Variants in SCLT1 observed in about 807,000 individuals in gnomAD.
SCLT1 encodes the protein sodium channel-associated protein 1.
Under a neutral mutation model 112.8 loss-of-function variants are expected in SCLT1, and 78 were observed. The observed-to-expected ratio is 0.69, with a 90% CI of 0.58 to 0.83. SCLT1 has a LOEUF of 0.83. SCLT1 is among the 40% of genes least tolerant of loss of function. SCLT1 has a pLI of 0.00. For missense variants in SCLT1, 747 were observed against 770.4 expected (o/e 0.97, Z 0.36); for synonymous variants, 257 against 254.7 (o/e 1.01, Z -0.09).
chr4:129,005,039 T>C (rs962104302), intron 5 of SCLT1, among the ~76,000 whole-genome samples: 25 of 152,074 alleles, frequency 1.6e-4, no homozygotes, highest in African/African-American at 5.5e-4. Context: ...CCAAGTCCTA[T>C]GAAAAAAACC....
At chr4:129,072,578 T>C (rs1056346975) in intron 2 of SCLT1, among the ~76,000 whole-genome samples, 1 of 152,284 alleles carries the variant, frequency 6.6e-6, no homozygotes, top group Non-Finnish European at 1.5e-5. Flanking sequence ...TTCTTCTACT[T>C]GTTCAATTCT....
At chr4:129,044,211 A>T (rs1055229375) in intron 2 of SCLT1, among the ~76,000 whole-genome samples, 160 bp from the exon 3 acceptor site, 1 of 152,148 alleles carries the variant, frequency 6.6e-6, no homozygotes, top group Non-Finnish European at 1.5e-5. Context: ...TTATACTGAA[A>T]TGCATTTGGT....
At position 129,080,076 on chromosome 4, in the gene SCLT1, T is replaced by C. The variant is rs903632383; in HGVS notation, c.102+2230A>G. ...GTACAGGGCAGTGGGGCCCTGGGCC[T>C]GCCCCCACAAAATCATTCTTCCCTC... On this transcript the variant is annotated intron_variant, in intron 2 of 20. Coordinates refer to ENST00000281142, the MANE Select transcript of SCLT1 (RefSeq NM_144643.4). Among the ~76,000 whole-genome samples, 4 of 152,334 alleles carry C rather than the reference T, an allele frequency of 2.6e-5. No individual in the cohort carries two copies. In the East Asian group the frequency reaches 5.8e-4, roughly 22 times the overall value.
intron 17 of SCLT1, among the ~76,000 whole-genome samples, chr4:128,940,429 G>A (rs1737590253): frequency 6.6e-6 from 1 of 151,624 alleles, no homozygotes; most frequent in South Asian, 2.1e-4. Flanking sequence ...CTACATAATT[G>A]TTTTTATTTA....
chr4:129,036,149 G>C (rs1395741407), intron 5 of SCLT1, among the ~76,000 whole-genome samples: 2 of 151,952 alleles, frequency 1.3e-5, no homozygotes, highest in African/African-American at 4.8e-5. Context: ...ATAATTAGTA[G>C]AGTTCACTTT....
At position 128,946,927 on chromosome 4, in the gene SCLT1, C is replaced by T. The variant is rs536164317; in HGVS notation, c.1294-775G>A. On this transcript the variant is annotated intron_variant, in intron 15 of 20. Transcript: ENST00000281142. The stretch of plus-strand genomic sequence containing the variant: ...TCTTACAGCACAAGGTCTGTAACAT[C>T]CTAAGAGATCCAAGGTCTCCAGGTG... 4.6e-5 allele frequency among the ~76,000 whole-genome samples: 7 copies of T among 152,276 alleles called. No individual in the cohort carries two copies. In the East Asian group the frequency reaches 7.7e-4, roughly 17 times the overall value.
intron 5 of SCLT1, among the ~76,000 whole-genome samples, chr4:129,026,468 T>C (rs574224042): frequency 6.6e-6 from 1 of 151,822 alleles, no homozygotes. Flanking sequence ...AATAATGAAA[T>C]GAAGGCAGAA....
chr4:128,911,059 T>A (rs755358281), intron 18 of SCLT1, among the ~76,000 whole-genome samples: 1 of 151,960 alleles, frequency 6.6e-6, no homozygotes, highest in African/African-American at 2.4e-5. Context: ...AGGTCAGGAG[T>A]TCGAGACCAG....
chr4:129,078,444 C>G (rs936612415), intron 2 of SCLT1, among the ~76,000 whole-genome samples: 2 of 151,884 alleles, frequency 1.3e-5, no homozygotes, highest in African/African-American at 4.8e-5. Flanking sequence ...TAAACAGAAG[C>G]AAAAATCTTA....
intron 5 of SCLT1, among the ~76,000 whole-genome samples, chr4:129,007,027 G>C (rs939278714): frequency 1.3e-5 from 2 of 152,116 alleles, no homozygotes; most frequent in African/African-American, 2.4e-5. Flanking sequence ...GAGGCATACT[G>C]CTTAACTTAG....
intron 18 of SCLT1, among the ~76,000 whole-genome samples, chr4:128,893,817 A>G (rs1230300014): frequency 1.3e-5 from 2 of 152,268 alleles, no homozygotes; most frequent in Non-Finnish European, 2.9e-5. Flanking sequence ...TTGGGATTAC[A>G]GGCGTGAGCC....
chr4:129,016,794 G>C (rs910913954), intron 5 of SCLT1, among the ~76,000 whole-genome samples: 1 of 152,004 alleles, frequency 6.6e-6, no homozygotes, highest in Admixed American at 6.6e-5. Context: ...TTCTATTCCT[G>C]GCCTTTGCCT....
chr4:128,981,737 CA>C (rs57269555), intron 9 of SCLT1, among the ~76,000 whole-genome samples: 1,691 of 82,488 alleles, frequency 0.021, 13 homozygotes, highest in African/African-American at 0.052. Context: ...TGCTCTCCCA[CA>C]AAAAAAAAAA....
At chr4:128,907,033 G>A (rs147377641) in intron 18 of SCLT1, among the ~76,000 whole-genome samples, 143 of 151,770 alleles carry the variant, frequency 9.4e-4, no homozygotes, top group African/African-American at 3.3e-3. Context: ...GAAAAGAAGA[G>A]TGTCACAGTC....
intron 18 of SCLT1, among the ~76,000 whole-genome samples, chr4:128,915,015 ATTC>A (rs1381388347): frequency 1.3e-5 from 2 of 152,046 alleles, no homozygotes; most frequent in Non-Finnish European, 2.9e-5. Context: ...AGTTGAAAGG[ATTC>A]TTCTTTGGTG....
At chr4:129,060,684 C>T (rs2125731363) in intron 2 of SCLT1, among the ~76,000 whole-genome samples, 1 of 152,138 alleles carries the variant, frequency 6.6e-6, no homozygotes, top group East Asian at 1.9e-4. Flanking sequence ...TTCTTAATGT[C>T]AAGTATTCTT....
At chr4:128,955,868 G>A (rs549039783) in intron 13 of SCLT1, among the ~76,000 whole-genome samples, 2 of 152,142 alleles carry the variant, frequency 1.3e-5, no homozygotes, top group East Asian at 3.9e-4. Flanking sequence ...AGGGGGCAAA[G>A]ACGCAGCAAA....
At chr4:128,987,611 T>C (rs1197255970) in intron 9 of SCLT1, among the ~76,000 whole-genome samples, 1 of 151,950 alleles carries the variant, frequency 6.6e-6, no homozygotes, top group Non-Finnish European at 1.5e-5. Flanking sequence ...GAAGAATCCA[T>C]GAGCTTGGAG....
At chr4:129,054,651 T>G (rs549530606) in intron 2 of SCLT1, among the ~76,000 whole-genome samples, 8 of 152,138 alleles carry the variant, frequency 5.3e-5, no homozygotes, top group Non-Finnish European at 1.2e-4. Flanking sequence ...GCAGCTCCTG[T>G]AACCTTTTTA....
Sources: gnomAD v4.1 joint callset for allele counts (sites outside exome capture counted in the v4.1 genomes callset) on GRCh38, gnomAD v4.1.1 for gene constraint, MANE v1.5 for transcripts, NCBI Gene and HGNC (gene_info 2026-07-23, HGNC 2026-07-21) for gene names.